Variants in WASF1 observed in about 807,000 individuals in gnomAD.
WASF1 encodes the protein WASP family member 1.
Under a neutral mutation model 50.5 loss-of-function variants are expected in WASF1, and 7 were observed. That is an observed-to-expected ratio of 0.14 (90% CI 0.08 to 0.26). The LOEUF (loss-of-function observed/expected upper bound fraction) is 0.26, where lower values mean the gene tolerates loss of function less well. Among genes scored for constraint, WASF1 ranks in the 10% least tolerant of loss-of-function variants. WASF1 has a pLI of 1.00. For missense variants in WASF1, 470 were observed against 694.7 expected, an observed-to-expected ratio of 0.68 and a Z score of 3.64; for synonymous variants, 205 against 244.0, an observed-to-expected ratio of 0.84 and a Z score of 1.49.
intron 3 of WASF1, among the ~76,000 whole-genome samples, chr6:110,146,997 A>T (rs1029243481): frequency 2.0e-5 from 3 of 151,798 alleles, no homozygotes; most frequent in East Asian, 1.9e-4. Flanking sequence ...CTCTTGGTTT[A>T]AAAAAAACTG....
At chr6:110,167,820 G>A (rs532453350) in intron 2 of WASF1, among the ~76,000 whole-genome samples, 1 of 152,040 alleles carries the variant, frequency 6.6e-6, no homozygotes, top group South Asian at 2.1e-4. Flanking sequence ...TCTTTCTGTA[G>A]TTTAAGTTCA....
At chr6:110,148,237 A>G (rs767209986) in intron 3 of WASF1, among the ~76,000 whole-genome samples, 4 of 151,920 alleles carry the variant, frequency 2.6e-5, no homozygotes, top group Non-Finnish European at 5.9e-5. Context: ...ACTGCCATCC[A>G]TTCATTCATT....
chr6:110,159,604 G>A (rs554696637), intron 3 of WASF1, among the ~76,000 whole-genome samples: 1 of 151,878 alleles, frequency 6.6e-6, no homozygotes, highest in African/African-American at 2.4e-5. Flanking sequence ...CTATTCATGA[G>A]ACACAGTTAG....
chr6:110,165,358 C>T (rs75117492), intron 2 of WASF1, among the ~76,000 whole-genome samples: 95 of 151,642 alleles, frequency 6.3e-4, no homozygotes, highest in African/African-American at 2.0e-3. Context: ...ATAAAAGTAT[C>T]TTAAAAAAGA....
At chr6:110,170,750 A>G (rs963242457) in intron 2 of WASF1, among the ~76,000 whole-genome samples, 3 of 152,138 alleles carry the variant, frequency 2.0e-5, no homozygotes, top group African/African-American at 7.2e-5. Flanking sequence ...AAAGAAATGG[A>G]GAAAGATATA....
At chr6:110,178,443 T>C (rs976833009) in intron 2 of WASF1, among the ~76,000 whole-genome samples, 155 bp downstream of exon 2, 9 of 152,126 alleles carry the variant, frequency 5.9e-5, no homozygotes, top group African/African-American at 1.9e-4. Context: ...ATTAGACGGA[T>C]TGAATAACCA....
intron 3 of WASF1, among the ~76,000 whole-genome samples, chr6:110,155,657 T>C (rs1181705356): frequency 2.6e-5 from 2 of 76,488 alleles, no homozygotes; most frequent in Non-Finnish European, 4.9e-5. Flanking sequence ...CACCCACTAA[T>C]GTGTCATCTA....
intron 5 of WASF1, among the ~76,000 whole-genome samples, chr6:110,109,107 T>A (rs1286013954): frequency 2.0e-5 from 3 of 152,226 alleles, no homozygotes; most frequent in Non-Finnish European, 2.9e-5. Flanking sequence ...TTAGTGGCAC[T>A]GTGGGCTAAA....
At chr6:110,120,027 G>T (rs1774019183) in intron 4 of WASF1, among the ~76,000 whole-genome samples, 1 of 152,142 alleles carries the variant, frequency 6.6e-6, no homozygotes, top group South Asian at 2.1e-4. Flanking sequence ...ACTAGGTATT[G>T]ATGGAACATA....
chr6:110,134,740 T>C (rs1774868463), intron 3 of WASF1, among the ~76,000 whole-genome samples: 1 of 152,184 alleles, frequency 6.6e-6, no homozygotes. Flanking sequence ...TGCCTATTTT[T>C]ATACCAGTAC....
In WASF1 at chr6:110,105,599, AC is replaced by A. The variant is rs752955960; in HGVS notation, c.541-21del. 23 of 1,607,258 alleles carry A rather than the reference AC, an allele frequency of 1.4e-5. No homozygotes were observed. In the African/African-American group the frequency reaches 2.5e-4, roughly 18 times the overall value. ...TTTCTGCTATAACAGATGTATTGAA[AC>A]AAAGTCAAATGCTTAAGCGCTAATT... On this transcript the variant is annotated intron_variant, in intron 7 of 10. Transcript: ENST00000392589.
chr6:110,115,449 C>T (rs1227873580), intron 4 of WASF1, among the ~76,000 whole-genome samples: 2 of 152,020 alleles, frequency 1.3e-5, no homozygotes, highest in African/African-American at 4.8e-5. Flanking sequence ...TGGATTGGTC[C>T]CATTGACGCT....
Position 110,163,780 on chromosome 6 carries a change from A to G in WASF1, c.-126-3048T>C, listed in dbSNP as rs190233704. ...TCAAAAGACCCAGCAGAGCCAACAC[A>G]TTATTGAAGGACTGACACTATGCAA... On this transcript the variant is annotated intron_variant, in intron 2 of 10. Coordinates refer to ENST00000392589, the MANE Select transcript of WASF1 (RefSeq NM_003931.3). Among the ~76,000 whole-genome samples the G allele has an allele frequency of 2.6e-5, 4 of 151,720 alleles. No individual in the cohort carries two copies. In the East Asian group the frequency reaches 7.8e-4, roughly 29 times the overall value.
In WASF1 at chr6:110,101,978, C is replaced by A; in HGVS notation, c.1132G>T (p.Ala378Ser). The A allele has an allele frequency of 6.3e-7, 1 of 1,589,532 alleles. No homozygotes were observed. The highest frequency in any genetic ancestry group is 8.6e-7 in the Non-Finnish European group (1 of 1,168,762). The stretch of plus-strand genomic sequence containing the variant: ...GGAGCTGGGTGAAGAACTCCAGGGG[C>A]AATCTGAAGAGGAGCTGGAGGTGGT... The part of the protein sequence containing the change: ...VPPPPAPLQI[A>S]PGVLHPAPPP... Residue 378 changes from alanine (A) to serine (S), a missense_variant, in exon 10 of 11, where the codon GCC (alanine) becomes TCC (serine). By Grantham distance (99) the Ala-to-Ser change is moderately conservative. This residue lies in a region of WASF1 where 294 missense variants were observed against 343.5 expected (regional missense o/e 0.86). Coordinates refer to ENST00000392589, the MANE Select transcript of WASF1 (RefSeq NM_003931.3).
intron 9 of WASF1, 52 bp downstream of exon 9, chr6:110,103,326 A>G: frequency 6.4e-7 from 1 of 1,560,550 alleles, no homozygotes. Flanking sequence ...TCCTTGAAAG[A>G]AAAAGCTTAC....
chr6:110,161,856 A>G (rs1236810651), intron 2 of WASF1, among the ~76,000 whole-genome samples: 1 of 151,550 alleles, frequency 6.6e-6, no homozygotes, highest in Non-Finnish European at 1.5e-5. Flanking sequence ...CCACAATTTC[A>G]GCAAGAACCT....
At chr6:110,116,184 C>G (rs1719466846) in intron 4 of WASF1, among the ~76,000 whole-genome samples, 1 of 152,192 alleles carries the variant, frequency 6.6e-6, no homozygotes, top group African/African-American at 2.4e-5. Flanking sequence ...ACTGGTTGGA[C>G]AGTGGGTGCA....
intron 4 of WASF1, among the ~76,000 whole-genome samples, chr6:110,120,526 G>A (rs1190025991): frequency 1.3e-5 from 2 of 152,140 alleles, no homozygotes; most frequent in South Asian, 2.1e-4. Context: ...ACTGCTCAAC[G>A]AAATAAAAGA....
chr6:110,107,047 T>G, intron 7 of WASF1, 30 bp downstream of exon 7: 1 of 1,492,206 alleles, frequency 6.7e-7, no homozygotes, highest in Non-Finnish European at 9.2e-7. Flanking sequence ...ATACAAAAAT[T>G]AACCTCAATT....
Sources: allele counts gnomAD v4.1 joint callset (sites outside exome capture counted in the v4.1 genomes callset), GRCh38; gene constraint gnomAD v4.1.1; regional missense constraint gnomAD v4.1.1; transcripts MANE v1.5; gene names NCBI Gene and HGNC (gene_info 2026-07-23, HGNC 2026-07-21).